Variants in CPEB1 observed in about 807,000 individuals in gnomAD.
The protein encoded by CPEB1 is cytoplasmic polyadenylation element binding protein 1.
CPEB1 carries 7 observed loss-of-function variants against 65.8 expected under a neutral mutation model. The ratio of observed to expected loss-of-function variants is 0.11; its 90% CI spans 0.06 to 0.20. CPEB1 has a LOEUF of 0.20. Among genes scored for constraint, CPEB1 ranks in the 10% least tolerant of loss-of-function variants. The pLI is 1.00. For missense variants in CPEB1, 551 were observed against 712.2 expected (o/e 0.77, Z 2.58); for synonymous variants, 262 against 260.0 (o/e 1.01, Z -0.08).
chr15:82,547,676 CTTTA>C (rs139634162), intron 10 of CPEB1, among the ~76,000 whole-genome samples: 24,884 of 151,718 alleles, frequency 0.16, 2,462 homozygotes, highest in Non-Finnish European at 0.24. Context: ...TACTATGTAA[CTTTA>C]TTTATTTTTT....
intron 1 of CPEB1, chr15:82,637,924 C>A: frequency 2.3e-6 from 1 of 431,560 alleles, no homozygotes; most frequent in Non-Finnish European, 4.7e-6. Flanking sequence ...ATTTATTAAC[C>A]ATTAAAAAAA....
At chr15:82,549,811 C>T (rs1161750768) in intron 9 of CPEB1, among the ~76,000 whole-genome samples, 153 bp from the exon 10 acceptor site, 2 of 152,148 alleles carry the variant, frequency 1.3e-5, no homozygotes, top group African/African-American at 4.8e-5. Context: ...GGCACACAGG[C>T]GTCCAATAAA....
chr15:82,612,939 C>T (rs957706960), intron 3 of CPEB1, among the ~76,000 whole-genome samples: 1 of 151,992 alleles, frequency 6.6e-6, no homozygotes, highest in African/African-American at 2.4e-5. Context: ...AACAAAAACA[C>T]ACTCCAGGCC....
chr15:82,580,527 T>C (rs2041177291), intron 3 of CPEB1, among the ~76,000 whole-genome samples: 1 of 152,152 alleles, frequency 6.6e-6, no homozygotes, highest in Non-Finnish European at 1.5e-5. Flanking sequence ...TGGTAAAATA[T>C]ACATGAAATT....
At chr15:82,626,771 C>T (rs1306921238) in intron 3 of CPEB1, among the ~76,000 whole-genome samples, 2 of 151,974 alleles carry the variant, frequency 1.3e-5, no homozygotes, top group African/African-American at 4.8e-5. Context: ...ATTTTGAAGT[C>T]GTAGTACTAA....
intron 3 of CPEB1, among the ~76,000 whole-genome samples, chr15:82,610,325 A>G (rs1362616662): frequency 6.6e-6 from 1 of 152,192 alleles, no homozygotes; most frequent in Non-Finnish European, 1.5e-5. Flanking sequence ...TTTTCCAAAA[A>G]GCAGACGAGG....
intron 8 of CPEB1, 116 bp from the exon 9 acceptor site, chr15:82,552,732 T>C (rs999987929): frequency 1.3e-5 from 16 of 1,216,424 alleles, no homozygotes; most frequent in Non-Finnish European, 1.9e-5. Flanking sequence ...TAAGATACAT[T>C]TTTGTTTTAC....
At chr15:82,597,687 C>T (rs1393648971) in intron 3 of CPEB1, among the ~76,000 whole-genome samples, 1 of 152,182 alleles carries the variant, frequency 6.6e-6, no homozygotes, top group East Asian at 1.9e-4. Context: ...AACTCCAGCT[C>T]TTTCTCTTTT....
At position 82,551,632 on chromosome 15, in the gene CPEB1, T is replaced by C. The variant is rs184117209; in HGVS notation, c.1281+848A>G. On this transcript the variant is annotated intron_variant, in intron 9 of 12. Transcript: ENST00000684509. ...ATAGGCATTTTAGTTTCCCATCTTA[T>C]AGAAGAGAAGAGGAAACAAAGTTTC... is the stretch of plus-strand genomic sequence containing the variant. Among the ~76,000 whole-genome samples the C allele has an allele frequency of 1.4e-4, 22 of 152,286 alleles. 1 individual carries two copies. The East Asian group carries it at 4.0e-3, about 28-fold the overall frequency.
intron 4 of CPEB1, among the ~76,000 whole-genome samples, chr15:82,559,822 G>A (rs1451028635): frequency 3.9e-5 from 6 of 152,278 alleles, no homozygotes; most frequent in Admixed American, 2.6e-4. Flanking sequence ...GGTGGCTCAC[G>A]CCTGTAATCC....
intron 3 of CPEB1, chr15:82,573,214 T>C (rs1012399543): frequency 1.4e-6 from 2 of 1,454,590 alleles, no homozygotes; most frequent in African/African-American, 2.9e-5. Flanking sequence ...GGGAAAATTA[T>C]CAGTCTCCTT....
intron 1 of CPEB1, chr15:82,629,862 AT>A (rs2046092511): frequency 1.0e-6 from 1 of 985,322 alleles, no homozygotes; most frequent in South Asian, 4.7e-5. Flanking sequence ...ACTCTGCAGG[AT>A]GACCTTAAAG....
chr15:82,552,106 A>C (rs1044399860), intron 9 of CPEB1, among the ~76,000 whole-genome samples: 1 of 152,204 alleles, frequency 6.6e-6, no homozygotes, highest in Non-Finnish European at 1.5e-5. Context: ...AGGGAAAAAC[A>C]GCTGTAGGTT....
chr15:82,583,467 A>G (rs2041487445), intron 3 of CPEB1: 1 of 152,252 alleles, frequency 6.6e-6, no homozygotes, highest in African/African-American at 2.4e-5. Flanking sequence ...CTGCATCTAC[A>G]TAATATAAAA....
At chr15:82,561,244 A>G (rs1181603032) in intron 4 of CPEB1, among the ~76,000 whole-genome samples, 1 of 152,242 alleles carries the variant, frequency 6.6e-6, no homozygotes, top group Non-Finnish European at 1.5e-5. Flanking sequence ...ACCGATGGTG[A>G]TAACTGGGCC....
chr15:82,591,381 C>T (rs1026595605), intron 3 of CPEB1, among the ~76,000 whole-genome samples: 1 of 152,180 alleles, frequency 6.6e-6, no homozygotes, highest in African/African-American at 2.4e-5. Flanking sequence ...CATGCCTCAG[C>T]CTCCCGAGTA....
chr15:82,587,149 TAC>T (rs933186714), intron 3 of CPEB1, among the ~76,000 whole-genome samples: 7 of 152,196 alleles, frequency 4.6e-5, no homozygotes, highest in African/African-American at 1.7e-4. Context: ...ACTGAAAAAT[TAC>T]AGTTACAATA....
At chr15:82,606,503 T>C (rs1390822548) in intron 3 of CPEB1, among the ~76,000 whole-genome samples, 1 of 142,154 alleles carries the variant, frequency 7.0e-6, no homozygotes, top group African/African-American at 2.6e-5. Context: ...TCTCAGCACA[T>C]GCGCTAAGAA....
chr15:82,583,231 TG>T (rs2041468666), intron 3 of CPEB1: 1 of 152,188 alleles, frequency 6.6e-6, no homozygotes, highest in Non-Finnish European at 1.5e-5. Flanking sequence ...CTACTGCTTA[TG>T]GTATGGGGGA....
Sources: gnomAD v4.1 joint callset for allele counts (sites outside exome capture counted in the v4.1 genomes callset) on GRCh38, gnomAD v4.1.1 for gene constraint, MANE v1.5 for transcripts, NCBI Gene and HGNC (gene_info 2026-07-23, HGNC 2026-07-21) for gene names.